Variants in IL6ST observed in about 807,000 individuals in gnomAD.
The protein encoded by IL6ST is interleukin 6 cytokine family signal transducer.
A neutral mutation model predicts 91.3 loss-of-function variants in IL6ST; 24 were observed. The ratio of observed to expected loss-of-function variants is 0.26; its 90% CI spans 0.19 to 0.37. The LOEUF (loss-of-function observed/expected upper bound fraction) is 0.37, where lower values mean the gene tolerates loss of function less well. Ranked by LOEUF, IL6ST falls within the 10% of genes least tolerant of loss-of-function variation. IL6ST has a pLI of 1.00. For missense variants in IL6ST, 914 were observed against 1,078.5 expected (o/e 0.85, Z 2.14); for synonymous variants, 351 against 373.6 (o/e 0.94, Z 0.70).
At chr5:55,947,130 CAG>C (rs1228538367) in intron 15 of IL6ST, among the ~76,000 whole-genome samples, 2 of 152,076 alleles carry the variant, frequency 1.3e-5, no homozygotes, top group Non-Finnish European at 2.9e-5. Flanking sequence ...ACCAGGGAGG[CAG>C]AGGTTGTAGT....
intron 11 of IL6ST, among the ~76,000 whole-genome samples, chr5:55,952,891 C>T (rs1751727567): frequency 6.6e-6 from 1 of 151,968 alleles, no homozygotes; most frequent in Non-Finnish European, 1.5e-5. Context: ...GTGAAACCCC[C>T]CTTTACTGAA....
At chr5:55,957,408 C>G (rs1232225740) in intron 8 of IL6ST, 117 bp from the exon 9 acceptor site, 1 of 521,548 alleles carries the variant, frequency 1.9e-6, no homozygotes, top group East Asian at 3.5e-5. Context: ...CATGGTGTCT[C>G]TACCTCTTTA....
At chr5:55,980,898 A>T (rs946097969) in intron 2 of IL6ST, among the ~76,000 whole-genome samples, 8 of 152,152 alleles carry the variant, frequency 5.3e-5, no homozygotes, top group Non-Finnish European at 1.2e-4. Flanking sequence ...CTAATTTTTT[A>T]AAAATTTTTC....
chr5:55,971,692 C>G (rs1011808502), intron 3 of IL6ST, among the ~76,000 whole-genome samples: 18 of 152,158 alleles, frequency 1.2e-4, no homozygotes, highest in African/African-American at 4.3e-4. Context: ...CATGGTGGCA[C>G]ACGCCTGTAG....
In IL6ST at chr5:55,956,177, C is replaced by T. The variant is rs1374392173; in HGVS notation, c.1115G>A (p.Arg372Lys). Residue 372 changes from arginine (R) to lysine (K), a missense_variant, in exon 10 of 17, where the codon AGA (arginine) becomes AAA (lysine). Transcript: ENST00000381298. ...GTAATTTTGTAAATGTGATTTCCAT[C>T]TTGTGAGAGTCACTTCATAATCCAA... ...KILDYEVTLT[R>K]WKSHLQNYTV... 3 of 1,612,770 alleles carry T rather than the reference C, an allele frequency of 1.9e-6. No homozygotes were observed. The South Asian group carries it at 3.3e-5, about 18-fold the overall frequency.
chr5:55,980,422 C>A lies in IL6ST; in HGVS notation c.-16+2302G>T, dbSNP rs150789014. 1.1e-4 allele frequency among the ~76,000 whole-genome samples: 16 copies of A among 152,168 alleles called. No homozygotes were observed. In the East Asian group the frequency reaches 3.1e-3, roughly 29 times the overall value. On this transcript the variant is annotated intron_variant, in intron 2 of 16. Coordinates refer to ENST00000381298, the MANE Select transcript of IL6ST (RefSeq NM_002184.4). ...AAAAGTAGCTGGGCGTGGTGGTGGG[C>A]ACCTGTAATCCCAGCTACTTGGGAG...
At position 55,947,525 on chromosome 5, in the gene IL6ST, CAGA is replaced by C; in HGVS notation, c.1902_1904del (p.Leu635del). The C allele has an allele frequency of 2.5e-6, 4 of 1,584,826 alleles. No individual in the cohort carries two copies. Among genetic ancestry groups the C allele is most frequent in the Non-Finnish European group, 3.4e-6 (4 of 1,167,438 alleles). ...GCTTATTAAAGCAGAACAGCACTCC[CAGA>C]AGAGTTGTCAATAGGAATGCTAAGC... On this transcript the variant is annotated inframe_deletion, in exon 15 of 17. Coordinates refer to ENST00000381298, the MANE Select transcript of IL6ST (RefSeq NM_002184.4).
chr5:55,952,348 T>C lies in IL6ST; in HGVS notation c.1454A>G (p.Asn485Ser). 2 of 1,561,448 alleles carry C rather than the reference T, an allele frequency of 1.3e-6. No homozygotes were observed. Among genetic ancestry groups the C allele is most frequent in the Non-Finnish European group, 1.8e-6 (2 of 1,139,164 alleles). The change falls in exon 12 of 17, where the codon AAC becomes AGC. Residue 485 changes from asparagine (N) to serine (S), a missense_variant. Asn to Ser is a conservative substitution (Grantham distance 46). Coordinates refer to ENST00000381298, the MANE Select transcript of IL6ST (RefSeq NM_002184.4). ...GTVHRTYLRG[N>S]LAESKCYLIT... Reference sequence around the variant, plus strand: ...CAAATAGCATTTGCTCTCTGCTAAGTTCCCTAAAGCAAGAATAGCAGATTA... The same window carrying C: ...CAAATAGCATTTGCTCTCTGCTAAGCTCCCTAAAGCAAGAATAGCAGATTA...
intron 1 of IL6ST, chr5:55,994,062 A>AAG (rs1754494582): frequency 6.6e-6 from 1 of 151,214 alleles, no homozygotes; most frequent in South Asian, 2.1e-4. Context: ...AAAAAAAAAA[A>AAG]AAAAAAAAGG....
At chr5:55,955,212 T>C (rs1479864311) in intron 10 of IL6ST, among the ~76,000 whole-genome samples, 1 of 152,180 alleles carries the variant, frequency 6.6e-6, no homozygotes, top group Non-Finnish European at 1.5e-5. Flanking sequence ...AATTCCAACA[T>C]TTTACGAGGC....
At chr5:55,986,252 A>G (rs1407032446) in intron 1 of IL6ST, among the ~76,000 whole-genome samples, 1 of 152,188 alleles carries the variant, frequency 6.6e-6, no homozygotes, top group Non-Finnish European at 1.5e-5. Flanking sequence ...TTCTCCTTGC[A>G]GTTTTTACCC....
chr5:55,948,697 T>C (rs1244747716), intron 14 of IL6ST, among the ~76,000 whole-genome samples: 4 of 152,218 alleles, frequency 2.6e-5, no homozygotes, highest in African/African-American at 7.2e-5. Context: ...CATCTGCTTT[T>C]ATGTTTTCAA....
chr5:55,963,368 G>T lies in IL6ST; in HGVS notation c.797C>A (p.Ala266Asp). The change falls in exon 7 of 17, where the codon GCC becomes GAC. Residue 266 changes from alanine to aspartate, a missense_variant. Transcript: ENST00000381298. ...TCAATTTACCTGGCTCCAAGTTGAG[G>T]CATCTTTGGTCCTATATTGAATGTT... The part of the protein sequence containing the change: ...KYNIQYRTKD[A>D]STWSQIPPED... 6.3e-7 allele frequency: 1 copy of T among 1,578,838 alleles called. No individual in the cohort carries two copies. The highest frequency in any genetic ancestry group is 8.6e-7 in the Non-Finnish European group (1 of 1,164,346).
At chr5:55,993,713 A>G (rs2111966400) in intron 1 of IL6ST, among the ~76,000 whole-genome samples, 1 of 152,374 alleles carries the variant, frequency 6.6e-6, no homozygotes, top group African/African-American at 2.4e-5. Flanking sequence ...ATAGTTGGAA[A>G]GCACAATTTA....
At chr5:55,985,884 G>T (rs186434465) in intron 1 of IL6ST, among the ~76,000 whole-genome samples, 11 of 152,118 alleles carry the variant, frequency 7.2e-5, no homozygotes, top group Non-Finnish European at 1.6e-4. Flanking sequence ...CTACTGTTAC[G>T]ACACAAAAGC....
chr5:55,942,892 A>G, intron 15 of IL6ST, 141 bp from the exon 16 acceptor site: 1 of 507,712 alleles, frequency 2.0e-6, no homozygotes. Context: ...CTCTACCCCA[A>G]ACAAAAATTA....
At position 55,964,210 on chromosome 5, in the gene IL6ST, T is replaced by C. The variant is rs2111773925; in HGVS notation, c.594A>G (p.Val198=). 3 of 1,610,596 alleles carry C rather than the reference T, an allele frequency of 1.9e-6. No homozygotes were observed. The highest frequency in any genetic ancestry group is 4.5e-5 in the East Asian group (2 of 44,806). The change falls in exon 6 of 17, where the codon GTA becomes GTG. Residue 198 remains valine (V), a synonymous_variant. Coordinates refer to ENST00000381298, the MANE Select transcript of IL6ST (RefSeq NM_002184.4). Reference sequence around the variant, plus strand: ...CCTTCCCAAGGGCATTCTCTGCTTCTACCCAGACTTCAATGTTGACAAAAT... The same window carrying C: ...CCTTCCCAAGGGCATTCTCTGCTTCCACCCAGACTTCAATGTTGACAAAAT... ...TVYFVNIEVW[V]EAENALGKVT...
At chr5:55,967,436 G>A (rs1049646343) in intron 5 of IL6ST, among the ~76,000 whole-genome samples, 5 of 149,252 alleles carry the variant, frequency 3.4e-5, no homozygotes, top group Non-Finnish European at 7.4e-5. Context: ...TAATTTAAGA[G>A]ACAAGACATA....
At chr5:55,944,498 G>T (rs534219912) in intron 15 of IL6ST, among the ~76,000 whole-genome samples, 1 of 151,866 alleles carries the variant, frequency 6.6e-6, no homozygotes, top group South Asian at 2.1e-4. Flanking sequence ...GTTATGCAAG[G>T]CCTGTCTACT....
Sources: gnomAD v4.1 joint callset for allele counts (sites outside exome capture counted in the v4.1 genomes callset) on GRCh38, gnomAD v4.1.1 for gene constraint, MANE v1.5 for transcripts, NCBI Gene and HGNC (gene_info 2026-07-23, HGNC 2026-07-21) for gene names.